LRRTM4: variants seen among roughly 807,000 people sequenced by gnomAD.
LRRTM4 encodes the protein leucine-rich repeat transmembrane neuronal protein 4.
In LRRTM4, 25 loss-of-function variants were observed where a neutral mutation model predicts 47.6. That is an observed-to-expected ratio of 0.53 (90% CI 0.38 to 0.73). The LOEUF (loss-of-function observed/expected upper bound fraction) is 0.73. Among genes scored for constraint, LRRTM4 ranks in the 30% least tolerant of loss-of-function variants. The pLI is 0.00. For missense variants in LRRTM4, 638 were observed against 713.4 expected, an observed-to-expected ratio of 0.89 and a Z score of 1.20; for synonymous variants, 311 against 269.5, an observed-to-expected ratio of 1.15 and a Z score of -1.51.
intron 3 of LRRTM4, among the ~76,000 whole-genome samples, chr2:77,381,730 T>A (rs1360299390): frequency 6.6e-6 from 1 of 152,056 alleles, no homozygotes. Context: ...GATGATATAG[T>A]GACATTTTGA....
chr2:77,434,001 C>A (rs1302007159), intron 3 of LRRTM4, among the ~76,000 whole-genome samples: 1 of 152,176 alleles, frequency 6.6e-6, no homozygotes, highest in Non-Finnish European at 1.5e-5. Context: ...ATATCTGAGC[C>A]CACAAGAACC....
rs72923924 is a variant in LRRTM4 at position 77,500,056 on chromosome 2, A to T, written c.1551+18262T>A. Among the ~76,000 whole-genome samples the T allele has an allele frequency of 1.4e-3, 209 of 151,810 alleles. 1 individual carries two copies. The highest frequency in any genetic ancestry group is 4.9e-3 in the African/African-American group (202 of 41,470). ...TGTCTAAGTCTGCTTCCCCAGTATA[A>T]AGACACTCTTAATTGAGTATAGCTG... On this transcript the variant is annotated intron_variant, in intron 3 of 3. Transcript: ENST00000409884.
At chr2:77,085,968 T>C (rs1680696213) in intron 3 of LRRTM4, among the ~76,000 whole-genome samples, 1 of 152,188 alleles carries the variant, frequency 6.6e-6, no homozygotes, top group African/African-American at 2.4e-5. Flanking sequence ...CACTCCACAA[T>C]GGACTGAAAC....
At chr2:77,410,766 A>T (rs930518927) in intron 3 of LRRTM4, among the ~76,000 whole-genome samples, 1 of 152,222 alleles carries the variant, frequency 6.6e-6, no homozygotes, top group Non-Finnish European at 1.5e-5. Flanking sequence ...TTAAAATCAC[A>T]TCCTAAGCTC....
intron 3 of LRRTM4, among the ~76,000 whole-genome samples, chr2:77,052,736 G>C (rs950598360): frequency 6.6e-6 from 1 of 151,966 alleles, no homozygotes; most frequent in African/African-American, 2.4e-5. Flanking sequence ...GTGTGTGTGT[G>C]CAAGTATCCT....
chr2:77,206,145 C>T (rs1558633049), intron 3 of LRRTM4, among the ~76,000 whole-genome samples: 1 of 148,852 alleles, frequency 6.7e-6, no homozygotes. Flanking sequence ...GCCTAGCTGT[C>T]TTCTTTGCCA....
At chr2:77,288,310 A>C (rs1052013855) in intron 3 of LRRTM4, among the ~76,000 whole-genome samples, 3 of 151,838 alleles carry the variant, frequency 2.0e-5, no homozygotes, top group African/African-American at 7.2e-5. Context: ...CACTTTGAAG[A>C]CAATACATAA....
At chr2:77,017,171 G>C (rs190656974) in intron 3 of LRRTM4, among the ~76,000 whole-genome samples, 4 of 152,058 alleles carry the variant, frequency 2.6e-5, no homozygotes, top group African/African-American at 4.8e-5. Flanking sequence ...AGGACATCAC[G>C]GCCACAGAGA....
intron 3 of LRRTM4, among the ~76,000 whole-genome samples, chr2:77,049,120 T>TATATATATATA (rs1553377397): frequency 6.0e-5 from 4 of 66,472 alleles, no homozygotes; most frequent in African/African-American, 1.0e-4. Flanking sequence ...ATATTTCATT[T>TATATATATATA]TTTATATATA....
At chr2:76,934,559 A>T (rs1674877458) in intron 3 of LRRTM4, among the ~76,000 whole-genome samples, 1 of 152,198 alleles carries the variant, frequency 6.6e-6, no homozygotes, top group Non-Finnish European at 1.5e-5. Context: ...AAATTTAAAA[A>T]GCCCTGATCT....
At chr2:76,857,272 T>C (rs1672180257) in intron 3 of LRRTM4, among the ~76,000 whole-genome samples, 1 of 149,162 alleles carries the variant, frequency 6.7e-6, no homozygotes, top group South Asian at 2.1e-4. Flanking sequence ...ATATTTCCTT[T>C]TCTCTAGATA....
intron 3 of LRRTM4, among the ~76,000 whole-genome samples, chr2:77,424,427 T>C (rs568779094): frequency 7.6e-6 from 1 of 131,632 alleles, no homozygotes; most frequent in South Asian, 2.4e-4. Context: ...TACTCCATTA[T>C]ACAGTGAACT....
intron 3 of LRRTM4, among the ~76,000 whole-genome samples, chr2:77,368,633 A>G (rs964840268): frequency 6.6e-6 from 1 of 151,846 alleles, no homozygotes; most frequent in Non-Finnish European, 1.5e-5. Context: ...ATTATGTTAT[A>G]ATATTTGTAA....
At position 77,087,664 on chromosome 2, in the gene LRRTM4, G is replaced by A. The variant is rs147275328; in HGVS notation, c.1552-338748C>T. Among the ~76,000 whole-genome samples, 759 of 152,198 alleles carry A rather than the reference G, an allele frequency of 5.0e-3. 9 individuals carry two copies. The highest frequency in any genetic ancestry group is 0.011 in the South Asian group (54 of 4,814). On this transcript the variant is annotated intron_variant, in intron 3 of 3. Transcript: ENST00000409884. The stretch of plus-strand genomic sequence containing the variant: ...TAAGAAACATAACTGAAGCCCAACA[G>A]CATAGGATAAAAATAATCAAATTCA...
chr2:76,930,817 T>C (rs766385745), intron 3 of LRRTM4, among the ~76,000 whole-genome samples: 1 of 152,146 alleles, frequency 6.6e-6, no homozygotes, highest in Non-Finnish European at 1.5e-5. Context: ...GGAGGTACAA[T>C]GATGAATAAA....
In LRRTM4 at chr2:77,270,576, C is replaced by T. The variant is rs192719251; in HGVS notation, c.1551+247742G>A. On this transcript the variant is annotated intron_variant, in intron 3 of 3. Coordinates refer to ENST00000409884, the MANE Select transcript of LRRTM4 (RefSeq NM_001134745.3). ...AGCCTGAAACTCAAAGGTCTTCTTT[C>T]GTAATCTCTGTTACTATTCTACTTC... Among the ~76,000 whole-genome samples the T allele has an allele frequency of 5.9e-5, 9 of 152,258 alleles. No homozygotes were observed. In the South Asian group the frequency reaches 6.2e-4, roughly 11 times the overall value.
intron 3 of LRRTM4, among the ~76,000 whole-genome samples, chr2:77,045,631 GAGTTTTCCTGCACA>G (rs1259262499): frequency 6.6e-6 from 1 of 151,942 alleles, no homozygotes; most frequent in Non-Finnish European, 1.5e-5. Context: ...TTATAAGGAG[GAGTTTTCCTGCACA>G]AGCTCTCTCT....
chr2:77,495,035 T>C lies in LRRTM4; in HGVS notation c.1551+23283A>G, dbSNP rs372700042. 7.0e-4 allele frequency among the ~76,000 whole-genome samples: 107 copies of C among 152,296 alleles called. 3 individuals carry two copies. In the South Asian group the frequency reaches 0.02, roughly 29 times the overall value. On this transcript the variant is annotated intron_variant, in intron 3 of 3. Coordinates refer to ENST00000409884, the MANE Select transcript of LRRTM4 (RefSeq NM_001134745.3). ...TTATATGGATACACTACAATTTGTT[T>C]ATCCATTAATCTGTTGATGGAGATT...
rs765703035 is a variant in LRRTM4 at position 77,463,883 on chromosome 2, G to A, written c.1551+54435C>T. 1.2e-4 allele frequency among the ~76,000 whole-genome samples: 19 copies of A among 152,044 alleles called. 1 individual carries two copies. Among genetic ancestry groups the A allele is most frequent in the Admixed American group, 2.6e-4 (4 of 15,242 alleles). On this transcript the variant is annotated intron_variant, in intron 3 of 3. Transcript: ENST00000409884. The stretch of plus-strand genomic sequence containing the variant: ...TACAATGTTAAGAAATATTACCAGC[G>A]CACCATTATACAACAGCTCTTTCCA...
Sources: gnomAD v4.1 joint callset for allele counts (sites outside exome capture counted in the v4.1 genomes callset) on GRCh38, gnomAD v4.1.1 for gene constraint, MANE v1.5 for transcripts, NCBI Gene and HGNC (gene_info 2026-07-23, HGNC 2026-07-21) for gene names.